NDST4: variants seen among roughly 807,000 people sequenced by gnomAD.
The protein encoded by NDST4 is N-deacetylase and N-sulfotransferase 4.
In NDST4, 63 loss-of-function variants were observed where a neutral mutation model predicts 100.8. That is an observed-to-expected ratio of 0.62 (90% CI 0.51 to 0.77). The LOEUF is 0.77. Among genes scored for constraint, NDST4 ranks in the 30% least tolerant of loss-of-function variants. The pLI is 0.00. For synonymous variants in NDST4, 377 were observed against 361.8 expected (o/e 1.04, Z -0.48); for missense variants, 943 against 1,018.4 (o/e 0.93, Z 1.01).
intron 4 of NDST4, among the ~76,000 whole-genome samples, chr4:114,946,156 T>A (rs982084625): frequency 6.6e-6 from 1 of 152,220 alleles, no homozygotes; most frequent in Non-Finnish European, 1.5e-5. Flanking sequence ...GTATAAAATG[T>A]GCCATTTCTG....
At chr4:114,975,437 T>A (rs1256814561) in intron 3 of NDST4, among the ~76,000 whole-genome samples, 2 of 152,150 alleles carry the variant, frequency 1.3e-5, no homozygotes, top group African/African-American at 4.8e-5. Flanking sequence ...CAATAATGCC[T>A]GCTTAAAAGA....
At chr4:115,058,722 G>C (rs1279010106) in intron 2 of NDST4, among the ~76,000 whole-genome samples, 1 of 151,972 alleles carries the variant, frequency 6.6e-6, no homozygotes, top group African/African-American at 2.4e-5. Context: ...AACATTTTCA[G>C]AACCAGTTTC....
chr4:115,048,734 T>C (rs1728518169), intron 2 of NDST4, among the ~76,000 whole-genome samples: 1 of 152,042 alleles, frequency 6.6e-6, no homozygotes, highest in African/African-American at 2.4e-5. Flanking sequence ...GCCTCCGTGG[T>C]TCAAGCGATT....
rs201202472 is a variant in NDST4 at position 115,076,053 on chromosome 4, G to A, written c.978+6C>T. 1.3e-6 allele frequency: 2 copies of A among 1,596,314 alleles called. No homozygotes were observed. The highest frequency in any genetic ancestry group is 1.7e-6 in the Non-Finnish European group (2 of 1,171,568). Reference sequence around the variant, plus strand: ...AAATTTCGATGTTGTCTATAAATAAGCTTACCTTCACATCTTTGACATTCA... The same window carrying A: ...AAATTTCGATGTTGTCTATAAATAAACTTACCTTCACATCTTTGACATTCA... On this transcript the variant is annotated splice_donor_region_variant and intron_variant, in intron 2 of 13. Transcript: ENST00000264363.
intron 7 of NDST4, among the ~76,000 whole-genome samples, chr4:114,859,857 G>A (rs1276045399): frequency 6.6e-6 from 1 of 152,124 alleles, no homozygotes; most frequent in South Asian, 2.1e-4. Flanking sequence ...TTCCCTTATA[G>A]GTTTTTCCTG....
chr4:114,934,240 A>T (rs1016720665), intron 6 of NDST4, among the ~76,000 whole-genome samples: 1 of 152,192 alleles, frequency 6.6e-6, no homozygotes, highest in Admixed American at 6.5e-5. Flanking sequence ...CTAAGTGAAT[A>T]AGTCAGGACC....
chr4:115,075,959 C>T (rs1729170921), intron 2 of NDST4, 100 bp downstream of exon 2: 1 of 1,392,844 alleles, frequency 7.2e-7, no homozygotes, highest in South Asian at 1.5e-5. Context: ...CTCTACTGCA[C>T]CTTAAAACTT....
At chr4:114,857,675 GT>G (rs1243937279) in intron 7 of NDST4, among the ~76,000 whole-genome samples, 22 of 152,164 alleles carry the variant, frequency 1.4e-4, no homozygotes, top group Admixed American at 1.4e-3. Context: ...AACTCTTTCA[GT>G]TGTCAGAGTT....
intron 2 of NDST4, among the ~76,000 whole-genome samples, chr4:114,988,520 C>A (rs1255132273): frequency 6.6e-6 from 1 of 151,672 alleles, no homozygotes; most frequent in African/African-American, 2.4e-5. Context: ...CGCCACCACG[C>A]CTGGCTAATT....
intron 2 of NDST4, among the ~76,000 whole-genome samples, chr4:114,995,303 G>A (rs1386833314): frequency 6.6e-6 from 1 of 151,964 alleles, no homozygotes; most frequent in Non-Finnish European, 1.5e-5. Context: ...GCAATGACAG[G>A]CTGATAATAT....
intron 6 of NDST4, among the ~76,000 whole-genome samples, chr4:114,883,187 A>C (rs766067605): frequency 4.7e-4 from 72 of 152,212 alleles, no homozygotes; most frequent in African/African-American, 1.6e-3. Context: ...TAAAGGTAAA[A>C]TTAAATTTTT....
chr4:114,828,275 A>C (rs1034494693), intron 13 of NDST4, among the ~76,000 whole-genome samples: 4 of 152,142 alleles, frequency 2.6e-5, no homozygotes, highest in Admixed American at 1.3e-4. Flanking sequence ...TGAGGAATGA[A>C]ATTTATGGAG....
At chr4:115,020,240 A>T (rs1409049733) in intron 2 of NDST4, among the ~76,000 whole-genome samples, 3 of 152,126 alleles carry the variant, frequency 2.0e-5, no homozygotes, top group African/African-American at 7.2e-5. Flanking sequence ...AGAAAGATGG[A>T]CTGTGAAGTC....
At chr4:114,852,338 T>C (rs1468303804) in intron 8 of NDST4, among the ~76,000 whole-genome samples, 1 of 152,146 alleles carries the variant, frequency 6.6e-6, no homozygotes, top group Non-Finnish European at 1.5e-5. Context: ...ATATACCAGA[T>C]AAAATAGTTT....
chr4:115,020,349 C>T (rs550064032), intron 2 of NDST4, among the ~76,000 whole-genome samples: 21 of 152,146 alleles, frequency 1.4e-4, no homozygotes, highest in Non-Finnish European at 1.9e-4. Context: ...TTAATTGTAT[C>T]GAAGTCCAAA....
At chr4:115,015,604 C>A (rs1268863644) in intron 2 of NDST4, among the ~76,000 whole-genome samples, 3 of 152,004 alleles carry the variant, frequency 2.0e-5, no homozygotes, top group Non-Finnish European at 4.4e-5. Flanking sequence ...AATATATGAA[C>A]ATATTTGTAT....
At chr4:114,879,033 T>C (rs1360426690) in intron 6 of NDST4, among the ~76,000 whole-genome samples, 1 of 152,056 alleles carries the variant, frequency 6.6e-6, no homozygotes, top group Non-Finnish European at 1.5e-5. Context: ...TTTTTAGGTT[T>C]TATTTTATTT....
intron 2 of NDST4, among the ~76,000 whole-genome samples, chr4:115,029,428 T>G (rs1422614923): frequency 6.6e-6 from 1 of 152,084 alleles, no homozygotes; most frequent in Non-Finnish European, 1.5e-5. Flanking sequence ...GATTTATGAT[T>G]TGCTGACTAA....
Position 114,833,653 on chromosome 4 carries a change from C to T in NDST4, c.2349G>A (p.Gln783=). 1.2e-6 allele frequency: 2 copies of T among 1,613,502 alleles called. No homozygotes were observed. Among genetic ancestry groups the T allele is most frequent in the Non-Finnish European group, 1.7e-6 (2 of 1,179,760 alleles). Residue 783 remains glutamine, a synonymous_variant, in exon 12 of 14, where the codon CAG becomes CAA. Coordinates refer to ENST00000264363, the MANE Select transcript of NDST4 (RefSeq NM_022569.3). The part of the protein sequence containing the change: ...SDPATVMDEV[Q]KFLGVTPRYN... ...AACGAGGTGTAACTCCCAGAAACTT[C>T]TGGACTTCATCCATCACAGTAGCTG...
Sources: allele counts gnomAD v4.1 joint callset (sites outside exome capture counted in the v4.1 genomes callset), GRCh38; gene constraint gnomAD v4.1.1; transcripts MANE v1.5; gene names NCBI Gene and HGNC (gene_info 2026-07-23, HGNC 2026-07-21).